Variants in CRIM1 observed in about 807,000 individuals in gnomAD.
The protein encoded by CRIM1 is cysteine-rich motor neuron 1 protein.
In CRIM1, 32 loss-of-function variants were observed where a neutral mutation model predicts 116.4. The observed-to-expected ratio is 0.27, with a 90% CI of 0.21 to 0.37. The LOEUF (loss-of-function observed/expected upper bound fraction) is 0.37. CRIM1 is among the 10% of genes least tolerant of loss of function. The pLI, the probability that CRIM1 is intolerant of heterozygous loss-of-function variation, is 1.00. For missense variants in CRIM1, 1,331 were observed against 1,354.8 expected, an observed-to-expected ratio of 0.98 and a Z score of 0.28; for synonymous variants, 590 against 509.2, an observed-to-expected ratio of 1.16 and a Z score of -2.13.
intron 2 of CRIM1, among the ~76,000 whole-genome samples, chr2:36,440,784 G>A (rs1675758976): frequency 6.6e-6 from 1 of 152,292 alleles, no homozygotes; most frequent in African/African-American, 2.4e-5. Context: ...GAGTGTGCAG[G>A]TAGAGTTCCT....
intron 2 of CRIM1, among the ~76,000 whole-genome samples, chr2:36,436,056 A>T (rs1439529197): frequency 6.6e-6 from 1 of 152,042 alleles, no homozygotes; most frequent in Admixed American, 6.6e-5. Flanking sequence ...AGATAAAATT[A>T]AAAATTCAGA....
At chr2:36,395,656 G>T (rs538687274) in intron 1 of CRIM1, among the ~76,000 whole-genome samples, 1 of 152,254 alleles carries the variant, frequency 6.6e-6, no homozygotes, top group East Asian at 1.9e-4. Flanking sequence ...ATTGTGACCT[G>T]CTCCATTCCA....
At chr2:36,542,242 T>C (rs1390477966) in intron 14 of CRIM1, among the ~76,000 whole-genome samples, 2 of 152,222 alleles carry the variant, frequency 1.3e-5, no homozygotes, top group Non-Finnish European at 2.9e-5. Flanking sequence ...CACTCAAAAC[T>C]GTATGCCCAA....
chr2:36,414,676 G>A (rs1481427699), intron 2 of CRIM1, among the ~76,000 whole-genome samples: 2 of 152,214 alleles, frequency 1.3e-5, no homozygotes, highest in Admixed American at 6.5e-5. Context: ...GCTCGTGGAA[G>A]AACATTCTAG....
intron 1 of CRIM1, among the ~76,000 whole-genome samples, chr2:36,394,714 G>A (rs978675041): frequency 5.3e-5 from 8 of 151,888 alleles, no homozygotes; most frequent in Admixed American, 3.3e-4. Flanking sequence ...CATAAATTGT[G>A]TGTCGGTATA....
chr2:36,493,191 T>C (rs763797738), intron 7 of CRIM1, among the ~76,000 whole-genome samples: 5 of 152,102 alleles, frequency 3.3e-5, no homozygotes, highest in African/African-American at 1.2e-4. Context: ...GGAAGATTGC[T>C]TGAGGTCAGG....
rs760095978 is a variant in CRIM1, at chr2:36,522,075, T to C, written c.2207-17T>C. ...CAACAGCATCTTCTTTGCTGACCTATATGTTCATTTTTCCAGATCAACCTT... is the reference window on the plus strand; with the variant it reads ...CAACAGCATCTTCTTTGCTGACCTACATGTTCATTTTTCCAGATCAACCTT... On this transcript the variant is annotated splice_polypyrimidine_tract_variant and intron_variant, in intron 12 of 16. Coordinates refer to ENST00000280527, the MANE Select transcript of CRIM1 (RefSeq NM_016441.3). 2.5e-6 allele frequency: 4 copies of C among 1,609,220 alleles called. No individual in the cohort carries two copies. The highest frequency in any genetic ancestry group is 3.4e-6 in the Non-Finnish European group (4 of 1,175,620).
chr2:36,480,260 A>G (rs1237394557), intron 7 of CRIM1, among the ~76,000 whole-genome samples: 1 of 152,210 alleles, frequency 6.6e-6, no homozygotes, highest in Non-Finnish European at 1.5e-5. Flanking sequence ...AGTGGAGGGA[A>G]GCCTGAGGCA....
intron 13 of CRIM1, among the ~76,000 whole-genome samples, chr2:36,526,808 A>G (rs1447792284): frequency 1.3e-5 from 2 of 152,176 alleles, no homozygotes; most frequent in African/African-American, 4.8e-5. Context: ...CGTAACGTCT[A>G]TCTTAGGTTA....
chr2:36,478,010 G>A (rs148492063), intron 6 of CRIM1, among the ~76,000 whole-genome samples: 161 of 152,278 alleles, frequency 1.1e-3, no homozygotes, highest in East Asian at 3.3e-3. Context: ...ATCTGAAGTC[G>A]CATGTGTTAA....
At chr2:36,429,650 G>A (rs924282113) in intron 2 of CRIM1, among the ~76,000 whole-genome samples, 1 of 152,184 alleles carries the variant, frequency 6.6e-6, no homozygotes, top group African/African-American at 2.4e-5. Flanking sequence ...GCTTACAAGA[G>A]ACTGATGTTT....
At chr2:36,360,932 C>A (rs935663051) in intron 1 of CRIM1, among the ~76,000 whole-genome samples, 1 of 151,964 alleles carries the variant, frequency 6.6e-6, no homozygotes, top group Non-Finnish European at 1.5e-5. Flanking sequence ...GACAGGGAGC[C>A]CTTAGATCCC....
At chr2:36,441,231 A>C (rs1286486833) in intron 2 of CRIM1, 27 bp from the exon 3 acceptor site, 1 of 1,613,584 alleles carries the variant, frequency 6.2e-7, no homozygotes, top group Non-Finnish European at 8.5e-7. Flanking sequence ...CCCTGGGCAT[A>C]AGCTAAATTC....
At chr2:36,479,231 G>C (rs1245931809) in intron 6 of CRIM1, among the ~76,000 whole-genome samples, 1 of 152,212 alleles carries the variant, frequency 6.6e-6, no homozygotes, top group East Asian at 1.9e-4. Context: ...CAACTTTACA[G>C]AGTGATAACA....
At chr2:36,546,763 ATTTTTTTTT>A (rs775086985) in intron 15 of CRIM1, among the ~76,000 whole-genome samples, 15 of 101,846 alleles carry the variant, frequency 1.5e-4, no homozygotes, top group African/African-American at 3.8e-4. Flanking sequence ...TCTCACTCTG[ATTTTTTTTT>A]TTTTTTTTTT....
intron 1 of CRIM1, among the ~76,000 whole-genome samples, chr2:36,378,033 G>C (rs1670449941): frequency 6.6e-6 from 1 of 152,164 alleles, no homozygotes; most frequent in South Asian, 2.1e-4. Flanking sequence ...GCATTATTGG[G>C]ATATTTCAGA....
chr2:36,542,282 A>T (rs914601829), intron 14 of CRIM1, among the ~76,000 whole-genome samples: 1 of 152,364 alleles, frequency 6.6e-6, no homozygotes, highest in African/African-American at 2.4e-5. Flanking sequence ...GGAAGTGCTC[A>T]GGAAATATTT....
chr2:36,403,930 C>CT (rs1672599363), intron 2 of CRIM1, among the ~76,000 whole-genome samples: 1 of 152,064 alleles, frequency 6.6e-6, no homozygotes, highest in African/African-American at 2.4e-5. Flanking sequence ...ATGAGTCACC[C>CT]TCTGAGGGAG....
chr2:36,409,537 T>C (rs1054973152), intron 2 of CRIM1, among the ~76,000 whole-genome samples: 2 of 152,088 alleles, frequency 1.3e-5, no homozygotes, highest in African/African-American at 4.8e-5. Flanking sequence ...TTGAGATGAA[T>C]ATGGAAAGGA....
Sources: allele counts gnomAD v4.1 joint callset (sites outside exome capture counted in the v4.1 genomes callset), GRCh38; gene constraint gnomAD v4.1.1; transcripts MANE v1.5; gene names NCBI Gene and HGNC (gene_info 2026-07-23, HGNC 2026-07-21).